WDR4: variants seen among roughly 807,000 people sequenced by gnomAD.
WDR4 encodes the protein tRNA (guanine-N(7)-)-methyltransferase non-catalytic subunit WDR4.
WDR4 carries 47 observed loss-of-function variants against 48.6 expected under a neutral mutation model. The observed-to-expected ratio is 0.97, with a 90% CI of 0.77 to 1.23. The LOEUF (loss-of-function observed/expected upper bound fraction) is 1.23. Ranked by LOEUF, WDR4 falls within the 50% of genes most tolerant of loss-of-function variation. The pLI is 0.00. For synonymous variants in WDR4, 268 were observed against 230.0 expected (o/e 1.17, Z -1.49); for missense variants, 606 against 551.6 (o/e 1.10, Z -0.99).
chr21:42,884,175 T>C (rs1464558249), upstream of WDR4, among the ~76,000 whole-genome samples: 1 of 152,250 alleles, frequency 6.6e-6, no homozygotes, highest in South Asian at 2.1e-4. Context: ...GTTTATCTGC[T>C]CATTGGTTGA....
rs558421509 is a variant in WDR4 at position 42,858,136 on chromosome 21, A to C, written c.627+1526T>G. Among the ~76,000 whole-genome samples the C allele has an allele frequency of 6.6e-5, 10 of 152,354 alleles. No individual in the cohort carries two copies. The South Asian group carries it at 1.5e-3, about 22-fold the overall frequency. ...GCATTAAAGTGGTTCAACTAACACAAGCTTTAGAAAAAGTGAGCAAGAGGC... is the reference window on the plus strand; with the variant it reads ...GCATTAAAGTGGTTCAACTAACACACGCTTTAGAAAAAGTGAGCAAGAGGC... On this transcript the variant is annotated intron_variant, in intron 6 of 10. Transcript: ENST00000398208.
At chr21:42,877,859 A>C (rs2146114690) in intron 1 of WDR4, among the ~76,000 whole-genome samples, 1 of 152,162 alleles carries the variant, frequency 6.6e-6, no homozygotes, top group South Asian at 2.1e-4. Flanking sequence ...CCTGGCTAAC[A>C]CAGTGAAACC....
the WDR4 span, among the ~76,000 whole-genome samples, chr21:42,891,152 A>G: frequency 5.9e-5 from 9 of 152,088 alleles, no homozygotes; most frequent in East Asian, 1.7e-3. Context: ...GTGAAACACT[A>G]TCTCTACTAA....
chr21:42,858,114 T>C (rs888033109), intron 6 of WDR4, among the ~76,000 whole-genome samples: 2 of 152,022 alleles, frequency 1.3e-5, no homozygotes, highest in African/African-American at 2.4e-5. Context: ...AATCAGAGCA[T>C]TAAAGTGGTT....
At chr21:42,864,317 G>A (rs150240042) in intron 3 of WDR4, among the ~76,000 whole-genome samples, 3 of 151,854 alleles carry the variant, frequency 2.0e-5, no homozygotes, top group East Asian at 1.9e-4. Flanking sequence ...GAGTGTGCTG[G>A]GGGCCACTGT....
In WDR4 at chr21:42,862,319, G is replaced by A; in HGVS notation, c.529C>T (p.Pro177Ser). 6.2e-7 allele frequency: 1 copy of A among 1,611,586 alleles called. No individual in the cohort carries two copies. The highest frequency in any genetic ancestry group is 8.5e-7 in the Non-Finnish European group (1 of 1,179,214). The stretch of plus-strand genomic sequence containing the variant: ...AAGCAGAAGGACTCGATGCTATGGG[G>A]CGCCGCGGCCCAGCTGACTCGGATC... The part of the protein sequence containing the change: ...EKIRVSWAAA[P>S]HSIESFCLGH... The change falls in exon 5 of 11, where the codon CCC (proline) becomes TCC (serine). Residue 177 changes from proline (P) to serine (S), a missense_variant. Coordinates refer to ENST00000398208, the MANE Select transcript of WDR4 (RefSeq NM_018669.6). The surrounding 1 kb of genome is among the most constrained non-coding windows in gnomAD (Gnocchi z 4.3).
the WDR4 span, among the ~76,000 whole-genome samples, chr21:42,891,299 G>A: frequency 1.3e-5 from 2 of 150,506 alleles, no homozygotes; most frequent in South Asian, 4.2e-4. Flanking sequence ...CTGCACTCTA[G>A]CCTGGGCAAC....
At chr21:42,850,881 C>G (rs1277661141) in intron 10 of WDR4, among the ~76,000 whole-genome samples, 1 of 152,224 alleles carries the variant, frequency 6.6e-6, no homozygotes, top group Non-Finnish European at 1.5e-5. Flanking sequence ...CACAGGCACA[C>G]GGAGACAGCC....
At chr21:42,889,459 A>T in the WDR4 span, among the ~76,000 whole-genome samples, 1 of 152,162 alleles carries the variant, frequency 6.6e-6, no homozygotes, top group South Asian at 2.1e-4. Flanking sequence ...CATCACTGAC[A>T]TGTAGCCCTG....
chr21:42,866,959 G>A (rs2058260656), intron 3 of WDR4, among the ~76,000 whole-genome samples: 1 of 152,206 alleles, frequency 6.6e-6, no homozygotes, highest in Admixed American at 6.5e-5. Context: ...ACCAAGGTCA[G>A]GAGAAACCCC....
intron 6 of WDR4, 56 bp from the exon 7 acceptor site, chr21:42,855,836 G>C: frequency 4.9e-6 from 7 of 1,414,438 alleles, no homozygotes; most frequent in Middle Eastern, 3.6e-4. Context: ...CGTCAGGTAG[G>C]GTGACAGAGA....
chr21:42,873,716 T>C, intron 2 of WDR4, 25 bp from the exon 3 acceptor site: 1 of 1,608,226 alleles, frequency 6.2e-7, no homozygotes, highest in Non-Finnish European at 8.5e-7. Context: ...AGGAAGACGG[T>C]TAAGCTTCAC....
At chr21:42,879,545 C>G, upstream of WDR4, 1 of 1,597,256 alleles carries the variant, frequency 6.3e-7, no homozygotes, top group Non-Finnish European at 8.5e-7. Context: ...AGAGCCTCTT[C>G]CTGTCCGCAC....
At chr21:42,859,601 A>ACC in intron 6 of WDR4, 61 bp downstream of exon 6, 2 of 382,348 alleles carry the variant, frequency 5.2e-6, no homozygotes, top group Non-Finnish European at 1.0e-5. Flanking sequence ...GGAGGCGCCC[A>ACC]CCCCACCCTC....
intron 5 of WDR4, among the ~76,000 whole-genome samples, chr21:42,861,969 G>A (rs908641541): frequency 6.6e-6 from 1 of 152,078 alleles, no homozygotes; most frequent in African/African-American, 2.4e-5. Context: ...ACCCACCAGC[G>A]AACAACTCCC....
Position 42,853,680 on chromosome 21 carries a change from G to C in WDR4, c.864C>G (p.Phe288Leu). Residue 288 changes from phenylalanine (F) to leucine (L), a missense_variant, in exon 9 of 11, where the codon TTC (phenylalanine) becomes TTG (leucine). Coordinates refer to ENST00000398208, the MANE Select transcript of WDR4 (RefSeq NM_018669.6). ...QQLVYRQQLA[F>L]QHQVWDVAFE... ...AAGCCACGTCCCACACTTGGTGCTGGAACGCCAGCTGCTGCCTGTACACCA... is the reference window on the plus strand; with the variant it reads ...AAGCCACGTCCCACACTTGGTGCTGCAACGCCAGCTGCTGCCTGTACACCA... 1.3e-6 allele frequency: 2 copies of C among 1,584,986 alleles called. No individual in the cohort carries two copies. The highest frequency in any genetic ancestry group is 1.7e-6 in the Non-Finnish European group (2 of 1,166,448).
intron 3 of WDR4, among the ~76,000 whole-genome samples, chr21:42,865,920 A>G (rs1197276785): frequency 6.6e-6 from 1 of 151,980 alleles, no homozygotes; most frequent in African/African-American, 2.4e-5. Context: ...GCCCCCCTCC[A>G]GAGAGCCGCC....
intron 3 of WDR4, among the ~76,000 whole-genome samples, chr21:42,867,584 C>T (rs2058277397): frequency 6.6e-6 from 1 of 152,120 alleles, no homozygotes; most frequent in Non-Finnish European, 1.5e-5. Context: ...GCATCCCTAA[C>T]CTAAAAATCC....
At chr21:42,858,014 C>T (rs950377407) in intron 6 of WDR4, among the ~76,000 whole-genome samples, 3 of 152,110 alleles carry the variant, frequency 2.0e-5, no homozygotes, top group Non-Finnish European at 4.4e-5. Flanking sequence ...ATTGCTTGAG[C>T]CCGGGAGGCA....
Sources: allele counts gnomAD v4.1 joint callset (sites outside exome capture counted in the v4.1 genomes callset), GRCh38; gene constraint gnomAD v4.1.1; non-coding constraint Gnocchi (gnomAD v3.1); transcripts MANE v1.5; gene names NCBI Gene and HGNC (gene_info 2026-07-23, HGNC 2026-07-21).